The following HS6ST3 variants were observed in gnomAD, a reference collection of about 807,000 sequenced individuals.
The protein encoded by HS6ST3 is heparan-sulfate 6-O-sulfotransferase 3.
In HS6ST3, 12 loss-of-function variants were observed where a neutral mutation model predicts 36.7. The observed-to-expected ratio is 0.33, with a 90% CI of 0.21 to 0.53. The LOEUF (loss-of-function observed/expected upper bound fraction) is 0.53. Among genes scored for constraint, HS6ST3 ranks in the 20% least tolerant of loss-of-function variants. The pLI is 0.95. For synonymous variants in HS6ST3, 240 were observed against 257.5 expected, an observed-to-expected ratio of 0.93 and a Z score of 0.65; for missense variants, 584 against 640.9, an observed-to-expected ratio of 0.91 and a Z score of 0.96.
At chr13:96,409,792 C>T (rs2055498098) in intron 1 of HS6ST3, among the ~76,000 whole-genome samples, 1 of 152,014 alleles carries the variant, frequency 6.6e-6, no homozygotes. Context: ...GACACAAAAT[C>T]TGTGAGGCCT....
At chr13:96,243,057 C>G (rs567405947) in intron 1 of HS6ST3, among the ~76,000 whole-genome samples, 7 of 152,164 alleles carry the variant, frequency 4.6e-5, no homozygotes, top group Non-Finnish European at 8.8e-5. Context: ...ATTTTTAACT[C>G]AGTACATCCA....
chr13:96,347,595 A>T (rs1427261556), intron 1 of HS6ST3, among the ~76,000 whole-genome samples: 1 of 152,226 alleles, frequency 6.6e-6, no homozygotes, highest in Non-Finnish European at 1.5e-5. Flanking sequence ...ACCATGGTTA[A>T]CATTAATAGA....
intron 1 of HS6ST3, among the ~76,000 whole-genome samples, chr13:96,473,293 A>G (rs75951629): frequency 6.6e-6 from 1 of 152,204 alleles, no homozygotes; most frequent in East Asian, 1.9e-4. Flanking sequence ...AAGGGTGATG[A>G]GTGTAGCCAC....
At chr13:96,558,364 G>A (rs2056249071) in intron 1 of HS6ST3, among the ~76,000 whole-genome samples, 1 of 152,252 alleles carries the variant, frequency 6.6e-6, no homozygotes, top group East Asian at 1.9e-4. Flanking sequence ...TCAAATGCAA[G>A]TATATACTAT....
chr13:96,341,238 T>A (rs2055128685), intron 1 of HS6ST3, among the ~76,000 whole-genome samples: 1 of 152,156 alleles, frequency 6.6e-6, no homozygotes, highest in African/African-American at 2.4e-5. Flanking sequence ...AATAAAGACT[T>A]ACTCCAATTT....
chr13:96,617,993 C>A (rs1220439276), intron 1 of HS6ST3, among the ~76,000 whole-genome samples: 6 of 152,300 alleles, frequency 3.9e-5, no homozygotes, highest in African/African-American at 1.4e-4. Flanking sequence ...TAAACTGAAA[C>A]TCAATAGTAT....
At chr13:96,515,246 T>A (rs2056067668) in intron 1 of HS6ST3, among the ~76,000 whole-genome samples, 1 of 152,236 alleles carries the variant, frequency 6.6e-6, no homozygotes, top group African/African-American at 2.4e-5. Context: ...GGGTTCCTTG[T>A]TATTCCTTTA....
chr13:96,388,397 G>A (rs558119715), intron 1 of HS6ST3, among the ~76,000 whole-genome samples: 4 of 152,270 alleles, frequency 2.6e-5, no homozygotes, highest in African/African-American at 7.2e-5. Flanking sequence ...AAAATGCTAA[G>A]GCAATATTAA....
chr13:96,365,005 T>C (rs1033691909), intron 1 of HS6ST3, among the ~76,000 whole-genome samples: 8 of 152,142 alleles, frequency 5.3e-5, no homozygotes, highest in Non-Finnish European at 8.8e-5. Flanking sequence ...TGATACAAAG[T>C]GTCTATTTGT....
At chr13:96,331,528 G>A (rs1418582225) in intron 1 of HS6ST3, among the ~76,000 whole-genome samples, 2 of 152,146 alleles carry the variant, frequency 1.3e-5, no homozygotes, top group Non-Finnish European at 2.9e-5. Context: ...TGAGGAGGCA[G>A]TCTGCCCGTT....
Position 96,091,141 on chromosome 13 carries a change from G to A in HS6ST3, c.279G>A (p.Glu93=). ...CCGCGGCGCCGGAGGAGGAGGACGAGGAGCCCGGAGACCCCCGGGAGGGGG... is the reference window on the plus strand; with the variant it reads ...CCGCGGCGCCGGAGGAGGAGGACGAAGAGCCCGGAGACCCCCGGGAGGGGG... ...RGAAAPEEED[E]EPGDPREGEE... is the part of the protein sequence containing the mutation. Residue 93 remains glutamate, a synonymous_variant, in exon 1 of 2, where the codon GAG becomes GAA. Transcript: ENST00000376705. 4.0e-6 allele frequency: 6 copies of A among 1,505,310 alleles called. No homozygotes were observed. Among genetic ancestry groups the A allele is most frequent in the Non-Finnish European group, 5.3e-6 (6 of 1,127,202 alleles). The allele number at this position is 1,505,310 out of a possible 1,614,324, so 93.2% of individuals were successfully genotyped here.
intron 1 of HS6ST3, among the ~76,000 whole-genome samples, chr13:96,668,685 C>A (rs1045711130): frequency 1.1e-5 from 1 of 88,270 alleles, no homozygotes; most frequent in Non-Finnish European, 2.1e-5. Context: ...GTAGTGCCAA[C>A]CTTTTTTTTT....
intron 1 of HS6ST3, among the ~76,000 whole-genome samples, chr13:96,786,892 C>A (rs1877666832): frequency 6.6e-6 from 1 of 151,962 alleles, no homozygotes; most frequent in Admixed American, 6.6e-5. Context: ...CAAACCTTTG[C>A]ATCATGCCAA....
At chr13:96,608,546 CA>C (rs2056446767) in intron 1 of HS6ST3, among the ~76,000 whole-genome samples, 2 of 152,166 alleles carry the variant, frequency 1.3e-5, no homozygotes, top group African/African-American at 4.8e-5. Flanking sequence ...ACTGCACTCT[CA>C]AAAGGATGTG....
At chr13:96,635,532 A>G (rs1408127415) in intron 1 of HS6ST3, among the ~76,000 whole-genome samples, 1 of 152,070 alleles carries the variant, frequency 6.6e-6, no homozygotes. Flanking sequence ...TGACTGCACC[A>G]CCAGGGTTAC....
intron 1 of HS6ST3, among the ~76,000 whole-genome samples, chr13:96,686,148 G>C (rs598806): frequency 6.6e-6 from 1 of 152,094 alleles, no homozygotes; most frequent in East Asian, 1.9e-4. Flanking sequence ...TACCATACAC[G>C]TCTCCTCCAA....
At chr13:96,813,033 A>C (rs1213161856) in intron 1 of HS6ST3, among the ~76,000 whole-genome samples, 1 of 152,310 alleles carries the variant, frequency 6.6e-6, no homozygotes, top group South Asian at 2.1e-4. Flanking sequence ...CTGTGGGATC[A>C]GCACTCTCTG....
chr13:96,311,113 T>TA (rs1261955099), intron 1 of HS6ST3, among the ~76,000 whole-genome samples: 6 of 152,190 alleles, frequency 3.9e-5, no homozygotes, highest in African/African-American at 1.4e-4. Flanking sequence ...GTTTCTTTTT[T>TA]AAATGAAGCT....
At chr13:96,732,591 C>T (rs968731167) in intron 1 of HS6ST3, among the ~76,000 whole-genome samples, 2 of 151,988 alleles carry the variant, frequency 1.3e-5, no homozygotes, top group Non-Finnish European at 2.9e-5. Flanking sequence ...GTGATGCCTT[C>T]AGCTTTGTTC....
Sources: allele counts gnomAD v4.1 joint callset (sites outside exome capture counted in the v4.1 genomes callset), GRCh38; gene constraint gnomAD v4.1.1; transcripts MANE v1.5; gene names NCBI Gene and HGNC (gene_info 2026-07-23, HGNC 2026-07-21).